Variants in SYT16 observed in about 807,000 individuals in gnomAD.
The protein encoded by SYT16 is synaptotagmin 16.
In SYT16, 42 loss-of-function variants were observed where a neutral mutation model predicts 61.4. The ratio of observed to expected loss-of-function variants is 0.68; its 90% confidence interval spans 0.53 to 0.89. The LOEUF is 0.89. Among genes scored for constraint, SYT16 ranks in the 40% least tolerant of loss-of-function variants. SYT16 has a pLI of 0.00. For missense variants in SYT16, 804 were observed against 807.3 expected, an observed-to-expected ratio of 1.00 and a Z score of 0.05; for synonymous variants, 314 against 302.3, an observed-to-expected ratio of 1.04 and a Z score of -0.40.
At position 62,090,827 on chromosome 14, in the gene SYT16, G is replaced by A. The variant is rs1239813798; in HGVS notation, c.1624+6442G>A. ...TTTAGTGGACTCACAGTTCCACGTG[G>A]CTAGGGAGGCCTCACAATCATGAAG... On this transcript the variant is annotated intron_variant, in intron 7 of 7. Transcript: ENST00000683842. Among the ~76,000 whole-genome samples the A allele has an allele frequency of 2.0e-5, 3 of 152,286 alleles. No homozygotes were observed. The East Asian group carries it at 5.8e-4, about 29-fold the overall frequency.
intron 1 of SYT16, among the ~76,000 whole-genome samples, chr14:61,824,192 C>A (rs778287010): frequency 1.6e-4 from 24 of 152,144 alleles, no homozygotes; most frequent in Non-Finnish European, 2.8e-4. Flanking sequence ...CAGAATCCGT[C>A]ACTCATTTTA....
At chr14:62,050,801 G>A (rs1410010292) in intron 3 of SYT16, among the ~76,000 whole-genome samples, 5 of 152,052 alleles carry the variant, frequency 3.3e-5, no homozygotes, top group East Asian at 1.9e-4. Flanking sequence ...TTGGTGAACC[G>A]CAAATGCTGC....
At chr14:61,907,260 C>T (rs1036698033) in intron 1 of SYT16, among the ~76,000 whole-genome samples, 1 of 152,200 alleles carries the variant, frequency 6.6e-6, no homozygotes, top group Admixed American at 6.5e-5. Flanking sequence ...AGTAAAACAT[C>T]TGCTTGTGTT....
intron 2 of SYT16, among the ~76,000 whole-genome samples, chr14:61,980,732 C>A (rs942900308): frequency 6.6e-6 from 1 of 151,938 alleles, no homozygotes; most frequent in Non-Finnish European, 1.5e-5. Context: ...AAAAACAAAA[C>A]CAAACGTAAA....
intron 7 of SYT16, among the ~76,000 whole-genome samples, chr14:62,090,906 G>T (rs2057048572): frequency 6.6e-6 from 1 of 152,038 alleles, no homozygotes; most frequent in Non-Finnish European, 1.5e-5. Context: ...CTTGTGCAGG[G>T]AACCTCCTCT....
intron 1 of SYT16, among the ~76,000 whole-genome samples, chr14:61,890,872 C>G (rs2048098957): frequency 6.6e-6 from 1 of 152,178 alleles, no homozygotes; most frequent in African/African-American, 2.4e-5. Context: ...GTTGATTTTT[C>G]TCTTTGAAAA....
chr14:61,859,155 G>A (rs1427627476), intron 1 of SYT16, among the ~76,000 whole-genome samples: 1 of 151,876 alleles, frequency 6.6e-6, no homozygotes, highest in African/African-American at 2.4e-5. Flanking sequence ...CACCGCGCCC[G>A]GCCAGCCCCA....
intron 1 of SYT16, among the ~76,000 whole-genome samples, chr14:61,824,152 C>G (rs72716746): frequency 0.073 from 11,140 of 152,146 alleles, 515 homozygotes; most frequent in Non-Finnish European, 0.1. Flanking sequence ...GTTCTGTTTT[C>G]TCTTTGAAAT....
chr14:61,935,107 A>C (rs1280795209), intron 1 of SYT16, among the ~76,000 whole-genome samples: 1 of 152,130 alleles, frequency 6.6e-6, no homozygotes, highest in Admixed American at 6.6e-5. Context: ...CTTTTTGCCC[A>C]TTCCTTTTTC....
At chr14:62,053,642 A>AT (rs1396909818) in intron 3 of SYT16, among the ~76,000 whole-genome samples, 20 of 152,204 alleles carry the variant, frequency 1.3e-4, no homozygotes, top group African/African-American at 4.8e-4. Flanking sequence ...TAATAGTATA[A>AT]TAGATGTTAA....
chr14:62,037,122 T>G (rs1015124180), intron 3 of SYT16, among the ~76,000 whole-genome samples: 4 of 152,150 alleles, frequency 2.6e-5, no homozygotes, highest in African/African-American at 9.7e-5. Flanking sequence ...CTTTTGCCTC[T>G]GAGCTACAGT....
At chr14:61,969,116 A>AAGGCTTTGTATTATTT (rs1376543201) in intron 1 of SYT16, among the ~76,000 whole-genome samples, 4 of 152,246 alleles carry the variant, frequency 2.6e-5, no homozygotes, top group Admixed American at 2.6e-4. Flanking sequence ...TCATATTATT[A>AAGGCTTTGTATTATTT]AGGCTTTGTA....
At chr14:62,041,503 C>A (rs562944364) in intron 3 of SYT16, among the ~76,000 whole-genome samples, 28 of 152,144 alleles carry the variant, frequency 1.8e-4, no homozygotes, top group Middle Eastern at 3.4e-3. Context: ...ACAGAAAACT[C>A]TGGGCCATTT....
chr14:61,953,950 C>T (rs1255597550), intron 1 of SYT16, among the ~76,000 whole-genome samples: 1 of 152,138 alleles, frequency 6.6e-6, no homozygotes, highest in Non-Finnish European at 1.5e-5. Context: ...TGTTTGAAAA[C>T]ATCATAGAAT....
At chr14:62,018,086 C>T (rs1005955934) in intron 3 of SYT16, among the ~76,000 whole-genome samples, 1 of 152,068 alleles carries the variant, frequency 6.6e-6, no homozygotes, top group Non-Finnish European at 1.5e-5. Context: ...CGACATAGTG[C>T]ATTCCTTTTA....
chr14:61,994,114 TATG>T (rs1213560580), intron 2 of SYT16, among the ~76,000 whole-genome samples: 6 of 152,208 alleles, frequency 3.9e-5, no homozygotes, highest in Non-Finnish European at 7.4e-5. Context: ...CTGTACAAAA[TATG>T]ATGAAAGAGA....
chr14:62,045,946 A>G (rs906600602), intron 3 of SYT16, among the ~76,000 whole-genome samples: 1 of 152,220 alleles, frequency 6.6e-6, no homozygotes, highest in Non-Finnish European at 1.5e-5. Flanking sequence ...AGCATGATTT[A>G]TAATCCTTTG....
rs1020166516 is a variant in SYT16 at position 62,107,763 on chromosome 14, A to G, written c.*7056A>G. 3.3e-5 allele frequency: 5 copies of G among 152,226 alleles called. No homozygotes were observed. The highest frequency in any genetic ancestry group is 1.2e-4 in the African/African-American group (5 of 41,456). 9.4% of individuals were successfully genotyped at this position (152,226 alleles called of 1,614,324 possible). A position where few individuals can be genotyped will look rare whatever the true frequency, so the allele number is the denominator to read the frequency against. On this transcript the variant is annotated 3_prime_UTR_variant, in exon 8 of 8. Coordinates refer to ENST00000683842, the MANE Select transcript of SYT16 (RefSeq NM_001367656.1). Reference sequence around the variant, plus strand: ...CAGTCTATGCTTTCATTCAAAATAAATGGATATGTTTTGTATCTGGGGGAG... The same window carrying G: ...CAGTCTATGCTTTCATTCAAAATAAGTGGATATGTTTTGTATCTGGGGGAG...
Position 61,890,997 on chromosome 14 carries a change from A to G in SYT16, c.-325+78187A>G, listed in dbSNP as rs570578783. On this transcript the variant is annotated intron_variant, in intron 1 of 7. Coordinates refer to ENST00000683842, the MANE Select transcript of SYT16 (RefSeq NM_001367656.1). The stretch of plus-strand genomic sequence containing the variant: ...GACTCTCTGTTGCTAACTTCAGTTC[A>G]GGTGCTTTCAGTTACAAGAAAGGAG... Among the ~76,000 whole-genome samples, 7 of 152,324 alleles carry G rather than the reference A, an allele frequency of 4.6e-5. No homozygotes were observed. In the South Asian group the frequency reaches 1.4e-3, roughly 32 times the overall value.
Sources: gnomAD v4.1 joint callset for allele counts (sites outside exome capture counted in the v4.1 genomes callset) on GRCh38, gnomAD v4.1.1 for gene constraint, MANE v1.5 for transcripts, NCBI Gene and HGNC (gene_info 2026-07-23, HGNC 2026-07-21) for gene names.